Variants in CACNB2 observed in about 807,000 individuals in gnomAD.
The protein encoded by CACNB2 is voltage-dependent L-type calcium channel subunit beta-2.
Under a neutral mutation model 73.3 loss-of-function variants are expected in CACNB2, and 42 were observed. The ratio of observed to expected loss-of-function variants is 0.57; its 90% CI spans 0.45 to 0.74. The LOEUF is 0.74. CACNB2 is among the 30% of genes least tolerant of loss of function. The pLI, the probability that CACNB2 is intolerant of heterozygous loss-of-function variation, is 0.00. For synonymous variants in CACNB2, 348 were observed against 310.3 expected (o/e 1.12, Z -1.28); for missense variants, 940 against 853.0 (o/e 1.10, Z -1.27).
At chr10:18,299,902 T>C (rs2039439672) in intron 2 of CACNB2, among the ~76,000 whole-genome samples, 1 of 152,206 alleles carries the variant, frequency 6.6e-6, no homozygotes, top group Non-Finnish European at 1.5e-5. Context: ...GATGCCAATC[T>C]AGATTTCTTA....
chr10:18,492,852 G>T (rs764810872), intron 3 of CACNB2, among the ~76,000 whole-genome samples: 4 of 152,096 alleles, frequency 2.6e-5, no homozygotes, highest in Admixed American at 6.6e-5. Flanking sequence ...GAAATGACTT[G>T]TCTTGGGCTT....
chr10:18,297,144 C>T (rs2039312596), intron 2 of CACNB2, among the ~76,000 whole-genome samples: 1 of 152,222 alleles, frequency 6.6e-6, no homozygotes, highest in Admixed American at 6.5e-5. Context: ...TGGCAGCCTT[C>T]ATACCAATTG....
At chr10:18,494,015 C>G (rs2049622111) in intron 3 of CACNB2, among the ~76,000 whole-genome samples, 1 of 152,264 alleles carries the variant, frequency 6.6e-6, no homozygotes, top group South Asian at 2.1e-4. Flanking sequence ...CCCATATAAA[C>G]CACATCTAAT....
intron 3 of CACNB2, among the ~76,000 whole-genome samples, chr10:18,484,407 A>T (rs944087139): frequency 1.8e-5 from 1 of 56,886 alleles, no homozygotes; most frequent in East Asian, 4.5e-4. Flanking sequence ...GAAAAAAAAA[A>T]AAATAGATAC....
At chr10:18,465,240 G>C (rs1249806685) in intron 3 of CACNB2, among the ~76,000 whole-genome samples, 2 of 152,218 alleles carry the variant, frequency 1.3e-5, no homozygotes, top group Non-Finnish European at 2.9e-5. Flanking sequence ...TGAGGCAGGA[G>C]AATTGCTTGA....
In CACNB2 at chr10:18,539,740, G is replaced by GCTTTTTTTTTTT. The variant is rs753335762; in HGVS notation, c.*16_*17insCTTTTTTTTTTT. On this transcript the variant is annotated 3_prime_UTR_variant, in exon 14 of 14. Transcript: ENST00000324631. ...CCGCCAATGAGTTTTGCCCGTTTGT[G>GCTTTTTTTTTTT]TTTTTTTTTTTTTTTTTTTGAAGTC... 6.2e-6 allele frequency: 9 copies of GCTTTTTTTTTTT among 1,449,386 alleles called. 2 individuals are homozygous for GCTTTTTTTTTTT. The highest frequency in any genetic ancestry group is 4.6e-6 in the Non-Finnish European group (5 of 1,077,932). The allele number at this position is 1,449,386 out of a possible 1,614,324, so 89.8% of individuals were successfully genotyped here. A position where few individuals can be genotyped will look rare whatever the true frequency, so the allele number is the denominator to read the frequency against.
chr10:18,504,142 C>T (rs1037887934), intron 5 of CACNB2, among the ~76,000 whole-genome samples: 1 of 152,168 alleles, frequency 6.6e-6, no homozygotes, highest in African/African-American at 2.4e-5. Flanking sequence ...ATGGGCTTGC[C>T]TAGGCTAACA....
chr10:18,345,034 C>G (rs749587053), intron 2 of CACNB2, among the ~76,000 whole-genome samples: 1 of 152,196 alleles, frequency 6.6e-6, no homozygotes, highest in Non-Finnish European at 1.5e-5. Context: ...AACATCGTGA[C>G]GATCTGCCAT....
intron 3 of CACNB2, among the ~76,000 whole-genome samples, chr10:18,413,991 C>A (rs747243499): frequency 3.3e-5 from 5 of 152,200 alleles, no homozygotes; most frequent in African/African-American, 7.2e-5. Context: ...TAGTTATGTG[C>A]GGTCTTACAC....
intron 2 of CACNB2, among the ~76,000 whole-genome samples, chr10:18,266,332 A>G (rs956113866): frequency 2.0e-5 from 3 of 152,176 alleles, no homozygotes; most frequent in African/African-American, 7.2e-5. Context: ...TATTCCATGT[A>G]TAGTGCTTTG....
At chr10:18,456,758 C>T (rs1182046879) in intron 3 of CACNB2, among the ~76,000 whole-genome samples, 1 of 152,206 alleles carries the variant, frequency 6.6e-6, no homozygotes, top group Non-Finnish European at 1.5e-5. Flanking sequence ...CCTTTTGTGA[C>T]TGGCTAATTT....
intron 2 of CACNB2, among the ~76,000 whole-genome samples, chr10:18,305,670 T>C (rs1480715351): frequency 1.3e-5 from 2 of 152,180 alleles, no homozygotes; most frequent in African/African-American, 4.8e-5. Flanking sequence ...CAATTTTAAG[T>C]AACACCTCCT....
intron 2 of CACNB2, among the ~76,000 whole-genome samples, chr10:18,366,188 G>A (rs945816964): frequency 5.3e-5 from 8 of 152,154 alleles, no homozygotes; most frequent in African/African-American, 1.7e-4. Flanking sequence ...AATTCTCGCT[G>A]AGGGCGGTGG....
chr10:18,540,295 G>GTTGTTAT lies in CACNB2; in HGVS notation c.*573_*574insGTTATTT, dbSNP rs1398653896. 7 of 151,002 alleles carry GTTGTTAT rather than the reference G, an allele frequency of 4.6e-5. No individual in the cohort carries two copies. The highest frequency in any genetic ancestry group is 7.4e-5 in the Non-Finnish European group (5 of 67,824). The allele number at this position is 151,002 out of a possible 1,614,324, so 9.4% of individuals were successfully genotyped here. On this transcript the variant is annotated 3_prime_UTR_variant, in exon 14 of 14. Transcript: ENST00000324631. ...TGTACTGTATAGACAGTTTGTAAAT[G>GTTGTTAT]TTATTTCTGCAAACAAACACCTTCT...
At chr10:18,195,121 A>G (rs1181618516) in intron 2 of CACNB2, among the ~76,000 whole-genome samples, 1 of 152,204 alleles carries the variant, frequency 6.6e-6, no homozygotes, top group Non-Finnish European at 1.5e-5. Flanking sequence ...AGATGACCTC[A>G]GGAATGCTTT....
intron 1 of CACNB2, among the ~76,000 whole-genome samples, chr10:18,148,665 T>C (rs569796242): frequency 6.6e-6 from 1 of 152,182 alleles, no homozygotes; most frequent in East Asian, 1.9e-4. Flanking sequence ...TAAAGGACAA[T>C]AGAATTGCGA....
At chr10:18,403,872 CAAA>C (rs202131404) in intron 3 of CACNB2, among the ~76,000 whole-genome samples, 1 of 107,606 alleles carries the variant, frequency 9.3e-6, no homozygotes, top group African/African-American at 3.5e-5. Flanking sequence ...AATGGGTACC[CAAA>C]AAAAAAAAAA....
At chr10:18,457,453 G>A (rs187217515) in intron 3 of CACNB2, among the ~76,000 whole-genome samples, 119 of 152,226 alleles carry the variant, frequency 7.8e-4, no homozygotes, top group African/African-American at 2.7e-3. Flanking sequence ...TATCACCTTA[G>A]ACTGTATAGC....
intron 9 of CACNB2, among the ~76,000 whole-genome samples, chr10:18,526,814 CTTATTTA>C (rs2052513998): frequency 6.6e-6 from 1 of 152,046 alleles, no homozygotes; most frequent in Admixed American, 6.6e-5. Flanking sequence ...AAGACTGGTT[CTTATTTA>C]TTTTTCATGC....
Sources: gnomAD v4.1 joint callset for allele counts (sites outside exome capture counted in the v4.1 genomes callset) on GRCh38, gnomAD v4.1.1 for gene constraint, MANE v1.5 for transcripts, NCBI Gene and HGNC (gene_info 2026-07-23, HGNC 2026-07-21) for gene names.